The following NDUFS4 variants were observed in gnomAD, a reference collection of about 807,000 sequenced individuals.
The protein encoded by NDUFS4 is NADH:ubiquinone oxidoreductase subunit S4, also known as NADH dehydrogenase [ubiquinone] iron-sulfur protein 4, mitochondrial.
A neutral mutation model predicts 24.3 loss-of-function variants in NDUFS4; 28 were observed. That is an observed-to-expected ratio of 1.15 (90% CI 0.85 to 1.58). NDUFS4 has a LOEUF of 1.58. NDUFS4 is among the 40% of genes most tolerant of loss of function. The pLI is 0.00. For synonymous variants in NDUFS4, 93 were observed against 69.7 expected (o/e 1.34, Z -1.67); for missense variants, 223 against 207.9 (o/e 1.07, Z -0.45).
chr5:53,579,384 T>C (rs989908797), intron 1 of NDUFS4, among the ~76,000 whole-genome samples: 17 of 152,210 alleles, frequency 1.1e-4, no homozygotes, highest in African/African-American at 4.1e-4. Context: ...ACTAGACAAT[T>C]ACCAGTACCT....
At chr5:53,670,877 A>G (rs940146650) in intron 4 of NDUFS4, among the ~76,000 whole-genome samples, 7 of 151,472 alleles carry the variant, frequency 4.6e-5, no homozygotes, top group Non-Finnish European at 7.4e-5. Flanking sequence ...CCTCTAGAGT[A>G]TAGTATAGAG....
At chr5:53,616,072 C>T (rs568571001) in intron 2 of NDUFS4, among the ~76,000 whole-genome samples, 1 of 151,814 alleles carries the variant, frequency 6.6e-6, no homozygotes, top group African/African-American at 2.4e-5. Context: ...TAGCCTGTGC[C>T]TAGGTTGCTC....
intron 4 of NDUFS4, among the ~76,000 whole-genome samples, chr5:53,675,314 C>T (rs899413141): frequency 6.6e-6 from 1 of 151,970 alleles, no homozygotes; most frequent in African/African-American, 2.4e-5. Flanking sequence ...AGGCGCCCGC[C>T]ACCACGCCCA....
chr5:53,573,509 A>G (rs181787161), intron 1 of NDUFS4: 178 of 432,846 alleles, frequency 4.1e-4, no homozygotes, highest in African/African-American at 3.5e-3. Context: ...GATCCTGTAT[A>G]TGTTTCGTTA....
chr5:53,657,140 C>T (rs1752185475), intron 3 of NDUFS4, among the ~76,000 whole-genome samples: 1 of 152,182 alleles, frequency 6.6e-6, no homozygotes. Context: ...TTATTCTCAA[C>T]TAAGCCAATG....
At chr5:53,579,699 G>C (rs1426671795) in intron 1 of NDUFS4, among the ~76,000 whole-genome samples, 2 of 152,144 alleles carry the variant, frequency 1.3e-5, no homozygotes, top group East Asian at 3.9e-4. Context: ...CTGGGTGACA[G>C]AGCAAGACCC....
At chr5:53,585,157 G>C (rs754234069) in intron 1 of NDUFS4, among the ~76,000 whole-genome samples, 50 of 152,104 alleles carry the variant, frequency 3.3e-4, no homozygotes, top group Non-Finnish European at 5.3e-4. Context: ...TTTGTGTCTC[G>C]TTTTCTTGTT....
At chr5:53,679,796 T>TAATAA (rs1247019766) in intron 4 of NDUFS4, among the ~76,000 whole-genome samples, 1 of 152,110 alleles carries the variant, frequency 6.6e-6, no homozygotes, top group Non-Finnish European at 1.5e-5. Context: ...TGTTGGGAGG[T>TAATAA]AATAAGAGGA....
chr5:53,664,522 G>C (rs1401797655), intron 4 of NDUFS4, among the ~76,000 whole-genome samples: 1 of 152,146 alleles, frequency 6.6e-6, no homozygotes, highest in African/African-American at 2.4e-5. Context: ...TGGAGGCTTT[G>C]TTCGTTTCTT....
intron 1 of NDUFS4, among the ~76,000 whole-genome samples, chr5:53,600,969 T>C (rs980332185): frequency 2.6e-5 from 4 of 151,914 alleles, no homozygotes; most frequent in African/African-American, 9.7e-5. Flanking sequence ...TACAGCTTGA[T>C]ATAAATTTTT....
rs866894553 is a variant in NDUFS4 at position 53,659,668 on chromosome 5, G to C, written c.424+1044G>C. On this transcript the variant is annotated intron_variant, in intron 4 of 4. Transcript: ENST00000296684. ...TCAAATTGAATTTGTCTCTTTAAGTGCATTGTTACTGTAAGGCAGTATATA... is the reference window on the plus strand; with the variant it reads ...TCAAATTGAATTTGTCTCTTTAAGTCCATTGTTACTGTAAGGCAGTATATA... Among the ~76,000 whole-genome samples the C allele has an allele frequency of 5.9e-5, 9 of 152,256 alleles. 1 individual carries two copies. The highest frequency in any genetic ancestry group is 3.4e-3 in the Middle Eastern group (1 of 294).
intron 2 of NDUFS4, among the ~76,000 whole-genome samples, chr5:53,612,478 G>C (rs1750725765): frequency 6.6e-6 from 1 of 152,004 alleles, no homozygotes; most frequent in Non-Finnish European, 1.5e-5. Flanking sequence ...ACTTTTTTGA[G>C]AAATTATAGC....
chr5:53,600,367 T>C (rs578071850), intron 1 of NDUFS4, among the ~76,000 whole-genome samples: 1 of 152,050 alleles, frequency 6.6e-6, no homozygotes, highest in East Asian at 1.9e-4. Flanking sequence ...TGGAGTGCAG[T>C]GGTGCGATCT....
chr5:53,633,287 T>G (rs549602652), intron 2 of NDUFS4, among the ~76,000 whole-genome samples: 3 of 152,170 alleles, frequency 2.0e-5, no homozygotes, highest in Non-Finnish European at 4.4e-5. Flanking sequence ...ATTGAATATT[T>G]TATGAAGAAG....
chr5:53,584,163 T>C lies in NDUFS4; in HGVS notation c.99-19289T>C, dbSNP rs566936801. ...AAATTACCATTTGCATTCAAACTAT[T>C]GGCATTGCGATTATTGTTTATATGT... On this transcript the variant is annotated intron_variant, in intron 1 of 4. Coordinates refer to ENST00000296684, the MANE Select transcript of NDUFS4 (RefSeq NM_002495.4). Among the ~76,000 whole-genome samples, 177 of 152,326 alleles carry C rather than the reference T, an allele frequency of 1.2e-3. 2 individuals are homozygous for C. The highest frequency in any genetic ancestry group is 1.9e-3 in the South Asian group (9 of 4,826).
intron 4 of NDUFS4, among the ~76,000 whole-genome samples, chr5:53,678,691 A>G (rs1561404452): frequency 6.6e-6 from 1 of 152,180 alleles, no homozygotes; most frequent in Non-Finnish European, 1.5e-5. Flanking sequence ...AGGGTTAAAG[A>G]AAGACATTCT....
In NDUFS4 at chr5:53,683,284, C is replaced by A; in HGVS notation, c.*63C>A. 4.3e-6 allele frequency: 5 copies of A among 1,152,758 alleles called. No individual in the cohort carries two copies. The highest frequency in any genetic ancestry group is 5.3e-6 in the Non-Finnish European group (4 of 761,444). 71.4% of individuals were successfully genotyped at this position (1,152,758 alleles called of 1,614,324 possible). On this transcript the variant is annotated 3_prime_UTR_variant, in exon 5 of 5. Transcript: ENST00000296684. ...AGTCAGCTGTGCAGTATTTATAGTCCATGTATAATAAATACATCTCTTAAT... is the reference window on the plus strand; with the variant it reads ...AGTCAGCTGTGCAGTATTTATAGTCAATGTATAATAAATACATCTCTTAAT...
At chr5:53,579,901 G>T (rs1347403975) in intron 1 of NDUFS4, among the ~76,000 whole-genome samples, 3 of 152,278 alleles carry the variant, frequency 2.0e-5, no homozygotes, top group African/African-American at 7.2e-5. Context: ...GTCAAAGAAT[G>T]CCAACAGTCT....
chr5:53,598,784 T>C (rs1750214598), intron 1 of NDUFS4, among the ~76,000 whole-genome samples: 1 of 152,198 alleles, frequency 6.6e-6, no homozygotes, highest in Middle Eastern at 3.2e-3. Context: ...TTGATTTTCA[T>C]TTTCAGGATA....
Sources: allele counts gnomAD v4.1 joint callset (sites outside exome capture counted in the v4.1 genomes callset), GRCh38; gene constraint gnomAD v4.1.1; transcripts MANE v1.5; gene names NCBI Gene and HGNC (gene_info 2026-07-23, HGNC 2026-07-21).